The following MALRD1 variants were observed in gnomAD, a reference collection of about 807,000 sequenced individuals.
MALRD1 encodes the protein MAM and LDL-receptor class A domain-containing protein 1.
Under a neutral mutation model 242.1 loss-of-function variants are expected in MALRD1, and 247 were observed. The observed-to-expected ratio is 1.02, with a 90% CI of 0.92 to 1.13. The LOEUF (loss-of-function observed/expected upper bound fraction) is 1.13, where lower values mean the gene tolerates loss of function less well. MALRD1 is among the 50% of genes most tolerant of loss of function. MALRD1 has a pLI of 0.00. For synonymous variants in MALRD1, 995 were observed against 866.6 expected (o/e 1.15, Z -2.60); for missense variants, 2,989 against 2,533.1 (o/e 1.18, Z -3.86).
At chr10:19,694,003 T>G (rs1297173311) in intron 38 of MALRD1, among the ~76,000 whole-genome samples, 1 of 152,078 alleles carries the variant, frequency 6.6e-6, no homozygotes, top group African/African-American at 2.4e-5. Context: ...TAAATGGTGC[T>G]GGGAAAACTG....
intron 24 of MALRD1, among the ~76,000 whole-genome samples, chr10:19,344,417 T>G (rs1844017820): frequency 6.6e-6 from 1 of 152,024 alleles, no homozygotes; most frequent in Admixed American, 6.6e-5. Flanking sequence ...ACTGTCCTAC[T>G]TTTATTTAAT....
chr10:19,228,273 T>C (rs763397315), intron 18 of MALRD1, among the ~76,000 whole-genome samples: 1 of 152,104 alleles, frequency 6.6e-6, no homozygotes, highest in African/African-American at 2.4e-5. Flanking sequence ...AGCATTATGC[T>C]CAGTGAAAGA....
intron 14 of MALRD1, among the ~76,000 whole-genome samples, chr10:19,188,060 C>A (rs2131578115): frequency 6.6e-6 from 1 of 152,232 alleles, no homozygotes; most frequent in African/African-American, 2.4e-5. Flanking sequence ...GGTTGAGGAC[C>A]ATTTCAGCCG....
At chr10:19,111,805 T>C (rs918939977) in intron 5 of MALRD1, among the ~76,000 whole-genome samples, 7 of 152,218 alleles carry the variant, frequency 4.6e-5, no homozygotes, top group African/African-American at 1.7e-4. Context: ...GTTTCTGTTT[T>C]TGTTTTTCAA....
At chr10:19,461,165 C>G (rs1484421159) in intron 29 of MALRD1, among the ~76,000 whole-genome samples, 1 of 152,070 alleles carries the variant, frequency 6.6e-6, no homozygotes, top group African/African-American at 2.4e-5. Context: ...CTAGACCCAG[C>G]ATATACACAA....
At chr10:19,242,874 C>T (rs1198949244) in intron 18 of MALRD1, among the ~76,000 whole-genome samples, 1 of 151,942 alleles carries the variant, frequency 6.6e-6, no homozygotes, top group African/African-American at 2.4e-5. Flanking sequence ...TATCTGAATC[C>T]ATTCATCCAC....
chr10:19,392,986 A>G (rs1384059181), intron 28 of MALRD1, among the ~76,000 whole-genome samples: 1 of 152,154 alleles, frequency 6.6e-6, no homozygotes, highest in African/African-American at 2.4e-5. Flanking sequence ...TTTATGAGTG[A>G]GTCAAGAGAG....
chr10:19,427,640 C>G (rs1017919860), intron 28 of MALRD1, among the ~76,000 whole-genome samples: 2 of 152,126 alleles, frequency 1.3e-5, no homozygotes, highest in African/African-American at 4.8e-5. Flanking sequence ...CCTAAGTAGT[C>G]TGATCCTCAA....
At chr10:19,148,786 A>ATATATATATATAT (rs1220802758) in intron 11 of MALRD1, among the ~76,000 whole-genome samples, 1 of 68,192 alleles carries the variant, frequency 1.5e-5, no homozygotes, top group African/African-American at 4.4e-5. Flanking sequence ...AAAAAAAAAA[A>ATATATATATATAT]AAATATATAT....
intron 31 of MALRD1, among the ~76,000 whole-genome samples, chr10:19,520,993 G>T (rs1833856304): frequency 1.3e-5 from 2 of 152,032 alleles, no homozygotes; most frequent in African/African-American, 4.8e-5. Flanking sequence ...AATGTTTCAA[G>T]CACGACCCAA....
At chr10:19,207,645 C>T (rs762208959) in intron 17 of MALRD1, among the ~76,000 whole-genome samples, 13 of 152,116 alleles carry the variant, frequency 8.5e-5, no homozygotes, top group South Asian at 2.1e-4. Context: ...AGATTGCAGG[C>T]GCCCGCCACC....
At chr10:19,710,549 G>A (rs1406898118) in intron 38 of MALRD1, 9 of 152,134 alleles carry the variant, frequency 5.9e-5, no homozygotes, top group African/African-American at 2.2e-4. Context: ...ACACATGTTT[G>A]TGCGTTGTTA....
intron 24 of MALRD1, among the ~76,000 whole-genome samples, chr10:19,344,534 G>C (rs182733360): frequency 9.9e-5 from 15 of 152,056 alleles, no homozygotes; most frequent in African/African-American, 3.1e-4. Context: ...GTACAAGACA[G>C]TCTGGTTAAC....
intron 19 of MALRD1, among the ~76,000 whole-genome samples, chr10:19,279,488 A>G (rs1588840495): frequency 6.6e-6 from 1 of 152,318 alleles, no homozygotes; most frequent in East Asian, 1.9e-4. Context: ...ATAACTAATA[A>G]ATCAGTCAAC....
chr10:19,567,830 G>C lies in MALRD1; in HGVS notation c.5680+127G>C. ...CAGTTCTATTTACACATGGAAAAGA[G>C]TCACATATACTAAGAAGTAAAGTTT... On this transcript the variant is annotated intron_variant, in intron 33 of 39. Coordinates refer to ENST00000454679, the MANE Select transcript of MALRD1 (RefSeq NM_001142308.3). The C allele has an allele frequency of 1.8e-5, 15 of 819,184 alleles. No individual in the cohort carries two copies. In the South Asian group the frequency reaches 2.8e-4, roughly 15 times the overall value. The allele number at this position is 819,184 out of a possible 1,614,324, so 50.7% of individuals were successfully genotyped here. A position where few individuals can be genotyped will look rare whatever the true frequency, so the allele number is the denominator to read the frequency against.
chr10:19,167,613 A>G (rs1834753060), intron 13 of MALRD1, among the ~76,000 whole-genome samples: 1 of 152,166 alleles, frequency 6.6e-6, no homozygotes, highest in African/African-American at 2.4e-5. Context: ...CCAGGGGACA[A>G]TTGACTGTGC....
Position 19,615,874 on chromosome 10 carries a change from T to G in MALRD1, c.6088T>G (p.Cys2030Gly). ...SSCSECPLNY[C>G]RNGGTCVVEK... is the part of the protein sequence containing the mutation. ...CTTTTTAGAATGTCCATTAAATTAC[T>G]GCAGAAATGGTGGGACTTGTGTAGT... is the stretch of plus-strand genomic sequence containing the variant. The change falls in exon 36 of 40, where the codon TGC (cysteine) becomes GGC (glycine). Residue 2030 changes from cysteine (C) to glycine (G), a missense_variant. By Grantham distance (159) the Cys-to-Gly change is radical. Transcript: ENST00000454679. 6.5e-7 allele frequency: 1 copy of G among 1,531,660 alleles called. No individual in the cohort carries two copies. Among genetic ancestry groups the G allele is most frequent in the South Asian group, 1.2e-5 (1 of 83,432 alleles). The allele number at this position is 1,531,660 out of a possible 1,614,324, so 94.9% of individuals were successfully genotyped here.
intron 1 of MALRD1, among the ~76,000 whole-genome samples, chr10:19,058,687 C>A (rs1456896031): frequency 6.6e-6 from 1 of 152,146 alleles, no homozygotes; most frequent in Non-Finnish European, 1.5e-5. Flanking sequence ...ATACATTTTT[C>A]TTTCATACAA....
intron 14 of MALRD1, among the ~76,000 whole-genome samples, chr10:19,189,764 T>G (rs1397692115): frequency 6.6e-6 from 1 of 152,060 alleles, no homozygotes; most frequent in African/African-American, 2.4e-5. Context: ...ATTCAATATT[T>G]AATTCAGGAT....
Sources: gnomAD v4.1 joint callset for allele counts (sites outside exome capture counted in the v4.1 genomes callset) on GRCh38, gnomAD v4.1.1 for gene constraint, MANE v1.5 for transcripts, NCBI Gene and HGNC (gene_info 2026-07-23, HGNC 2026-07-21) for gene names.